The following SMIM7 variants were observed in gnomAD, a reference collection of about 807,000 sequenced individuals.
SMIM7 encodes UPF0608 protein C19orf42.
Under a neutral mutation model 13.3 loss-of-function variants are expected in SMIM7, and 12 were observed. The ratio of observed to expected loss-of-function variants is 0.90; its 90% confidence interval spans 0.58 to 1.46. SMIM7 has a LOEUF of 1.46. Ranked by LOEUF, SMIM7 falls within the 40% of genes most tolerant of loss-of-function variation. SMIM7 has a pLI of 0.00. For synonymous variants in SMIM7, 36 were observed against 35.8 expected (o/e 1.01, Z -0.02); for missense variants, 114 against 94.8 (o/e 1.20, Z -0.84).
chr19:16,634,603 C>A (rs1425171552), intron 4 of SMIM7: 2 of 151,640 alleles, frequency 1.3e-5, no homozygotes, highest in African/African-American at 4.8e-5. Flanking sequence ...ATGGCAAAAC[C>A]CTGTCTGTAC....
At chr19:16,635,362 CAA>C (rs34121937) in intron 4 of SMIM7, 27 of 95,438 alleles carry the variant, frequency 2.8e-4, no homozygotes, top group Admixed American at 3.4e-4. Context: ...GACACCATCT[CAA>C]AAAAAAAAAA....
intron 4 of SMIM7, among the ~76,000 whole-genome samples, chr19:16,635,768 C>T (rs2086354163): frequency 6.6e-6 from 1 of 151,330 alleles, no homozygotes; most frequent in African/African-American, 2.4e-5. Context: ...CCTGTAATCC[C>T]AGCTACTTGG....
intron 4 of SMIM7, among the ~76,000 whole-genome samples, chr19:16,639,176 C>G (rs1341865917): frequency 6.9e-6 from 1 of 145,628 alleles, no homozygotes; most frequent in Non-Finnish European, 1.5e-5. Flanking sequence ...GGCTGGAGTG[C>G]AGTGGCGTGA....
At position 16,646,436 on chromosome 19, in the gene SMIM7, GA is replaced by G. The variant is rs2086449844; in HGVS notation, c.*809del. 1 of 152,234 alleles carries G rather than the reference GA, an allele frequency of 6.6e-6. No individual in the cohort carries two copies. Among genetic ancestry groups the G allele is most frequent in the Admixed American group, 6.5e-5 (1 of 15,276 alleles). The allele number at this position is 152,234 out of a possible 1,614,324, so 9.4% of individuals were successfully genotyped here. The stretch of plus-strand genomic sequence containing the variant: ...CTTCTGGAAAATGCTGTATTTCCTA[GA>G]TGAAGGCCCCTGGTTTTTCAACCTC... On this transcript the variant is annotated 3_prime_UTR_variant, in exon 5 of 5. Coordinates refer to ENST00000487416, the MANE Select transcript of SMIM7 (RefSeq NM_024104.4).
At chr19:16,649,432 G>A (rs2086491025) in intron 4 of SMIM7, among the ~76,000 whole-genome samples, 2 of 152,162 alleles carry the variant, frequency 1.3e-5, no homozygotes, top group Non-Finnish European at 2.9e-5. Flanking sequence ...AAAAAATTAG[G>A]CATGGTGGTG....
At chr19:16,638,634 C>T (rs6512124) in intron 4 of SMIM7, among the ~76,000 whole-genome samples, 16,868 of 152,066 alleles carry the variant, frequency 0.11, 1,102 homozygotes, top group African/African-American at 0.17. Context: ...ATAAATTACC[C>T]ATTTCTTTAT....
At chr19:16,659,911 G>T (rs1207965895) in intron 2 of SMIM7, 48 bp downstream of exon 2, 2 of 1,577,042 alleles carry the variant, frequency 1.3e-6, no homozygotes, top group Non-Finnish European at 8.6e-7. Flanking sequence ...TGAGGGCGGG[G>T]CTACGGGTTC....
intron 3 of SMIM7, 124 bp from the exon 4 acceptor site, chr19:16,654,249 T>G: frequency 1.4e-6 from 1 of 717,458 alleles, no homozygotes; most frequent in Non-Finnish European, 2.4e-6. Context: ...GGCAACAGTG[T>G]GGCTTTTCCT....
downstream of SMIM7, among the ~76,000 whole-genome samples, chr19:16,644,262 AGGC>A (rs1555704333): frequency 6.7e-6 from 1 of 150,176 alleles, no homozygotes; most frequent in Non-Finnish European, 1.5e-5. Flanking sequence ...CTGGGATTAC[AGGC>A]GCACGCCACC....
intron 4 of SMIM7, among the ~76,000 whole-genome samples, chr19:16,649,402 C>T (rs963282313): frequency 1.3e-5 from 2 of 151,994 alleles, no homozygotes; most frequent in Non-Finnish European, 2.9e-5. Flanking sequence ...ATGGTGAAAC[C>T]CCGTCTCTAC....
intron 4 of SMIM7, among the ~76,000 whole-genome samples, chr19:16,648,167 C>T (rs1006273517): frequency 2.6e-5 from 4 of 151,892 alleles, no homozygotes; most frequent in African/African-American, 4.8e-5. Flanking sequence ...TTGAGATGGA[C>T]TCTCACTCTG....
intron 4 of SMIM7, among the ~76,000 whole-genome samples, chr19:16,638,476 G>T (rs1470871011): frequency 6.6e-6 from 1 of 151,088 alleles, no homozygotes; most frequent in South Asian, 2.1e-4. Context: ...GCTAATTTTT[G>T]TAATTTTTTT....
chr19:16,650,409 A>G (rs1381484327), intron 4 of SMIM7, among the ~76,000 whole-genome samples: 3 of 152,196 alleles, frequency 2.0e-5, no homozygotes, highest in Non-Finnish European at 4.4e-5. Flanking sequence ...CTCAAACAAC[A>G]CAAGAGTGGG....
chr19:16,655,680 C>CA (rs869256040), intron 3 of SMIM7, among the ~76,000 whole-genome samples: 8,168 of 38,082 alleles, frequency 0.21, 1,450 homozygotes, highest in African/African-American at 0.4. Context: ...GACTCCATCT[C>CA]AAAAAAAAAA....
chr19:16,657,719 G>A (rs1472829743), intron 3 of SMIM7, among the ~76,000 whole-genome samples: 1 of 152,220 alleles, frequency 6.6e-6, no homozygotes, highest in Admixed American at 6.5e-5. Flanking sequence ...AAAAAGGGGA[G>A]CTGCTGGAGT....
rs534171171 is a variant in SMIM7, at chr19:16,649,982, C to T, written c.213-2721G>A. ...AGGGACTAAGGGAGGGGAAATGGGGCGTGACTGCCAATGGGGACGCGGTTT... is the reference window on the plus strand; with the variant it reads ...AGGGACTAAGGGAGGGGAAATGGGGTGTGACTGCCAATGGGGACGCGGTTT... On this transcript the variant is annotated intron_variant, in intron 4 of 4. Coordinates refer to ENST00000487416, the MANE Select transcript of SMIM7 (RefSeq NM_024104.4). 5.3e-5 allele frequency among the ~76,000 whole-genome samples: 8 copies of T among 152,130 alleles called. No individual in the cohort carries two copies. The South Asian group carries it at 1.2e-3, about 24-fold the overall frequency.
exon 5 of SMIM7, chr19:16,630,801 C>A (rs1599354801): frequency 1.3e-5 from 2 of 152,306 alleles, no homozygotes. Context: ...TTTGTAAATG[C>A]AAAGATTAAA....
chr19:16,639,369 G>A (rs1022422941), intron 4 of SMIM7, among the ~76,000 whole-genome samples: 11 of 151,992 alleles, frequency 7.2e-5, no homozygotes, highest in African/African-American at 2.2e-4. Context: ...TGATCTGCCC[G>A]CCTCCGCCTC....
chr19:16,654,777 G>A (rs545391285), intron 3 of SMIM7, among the ~76,000 whole-genome samples: 6 of 151,860 alleles, frequency 4.0e-5, no homozygotes, highest in African/African-American at 1.5e-4. Flanking sequence ...AAAGTTTTAT[G>A]GCACACAGCC....
Sources: allele counts gnomAD v4.1 joint callset (sites outside exome capture counted in the v4.1 genomes callset), GRCh38; gene constraint gnomAD v4.1.1; transcripts MANE v1.5; gene names NCBI Gene and HGNC (gene_info 2026-07-23, HGNC 2026-07-21).